TP53BP2: variants seen among roughly 807,000 people sequenced by gnomAD.
TP53BP2 encodes apoptosis-stimulating of p53 protein 2.
In TP53BP2, 62 loss-of-function variants were observed where a neutral mutation model predicts 126.2. The ratio of observed to expected loss-of-function variants is 0.49; its 90% CI spans 0.40 to 0.61. TP53BP2 has a LOEUF of 0.61. Among genes scored for constraint, TP53BP2 ranks in the 20% least tolerant of loss-of-function variants. TP53BP2 has a pLI of 0.00. For synonymous variants in TP53BP2, 485 were observed against 502.9 expected (o/e 0.96, Z 0.48); for missense variants, 1,215 against 1,402.8 (o/e 0.87, Z 2.14).
At chr1:223,785,423 A>G (rs1206278442) in intron 16 of TP53BP2, among the ~76,000 whole-genome samples, 3 of 152,278 alleles carry the variant, frequency 2.0e-5, no homozygotes, top group African/African-American at 7.2e-5. Context: ...AAAGCATGAC[A>G]GACTCACATG....
intron 4 of TP53BP2, among the ~76,000 whole-genome samples, chr1:223,808,895 C>T (rs1231916502): frequency 6.6e-6 from 1 of 151,906 alleles, no homozygotes; most frequent in East Asian, 1.9e-4. Context: ...TAGAGAAATA[C>T]AAATTAAAAC....
At chr1:223,790,089 T>G (rs1256260640) in intron 15 of TP53BP2, among the ~76,000 whole-genome samples, 1 of 150,016 alleles carries the variant, frequency 6.7e-6, no homozygotes, top group African/African-American at 2.5e-5. Context: ...CTGGCCAACA[T>G]GGTAAAACCC....
chr1:223,781,257 C>T (rs1661768317), intron 17 of TP53BP2, among the ~76,000 whole-genome samples: 1 of 152,242 alleles, frequency 6.6e-6, no homozygotes, highest in Non-Finnish European at 1.5e-5. Flanking sequence ...CTCTATGCTC[C>T]AGCATTTGGA....
chr1:223,785,845 A>G (rs1468370777), intron 16 of TP53BP2, among the ~76,000 whole-genome samples: 1 of 152,242 alleles, frequency 6.6e-6, no homozygotes, highest in African/African-American at 2.4e-5. Context: ...ACGAGGTATC[A>G]TTCCAAATCC....
chr1:223,831,792 T>C (rs1219554902), intron 1 of TP53BP2, among the ~76,000 whole-genome samples: 2 of 150,684 alleles, frequency 1.3e-5, no homozygotes, highest in Non-Finnish European at 3.0e-5. Context: ...TGTTAAGTTG[T>C]GCCAGGCCAC....
At chr1:223,793,142 G>A (rs2102840541) in intron 14 of TP53BP2, among the ~76,000 whole-genome samples, 161 bp downstream of exon 14, 1 of 152,028 alleles carries the variant, frequency 6.6e-6, no homozygotes, top group Non-Finnish European at 1.5e-5. Context: ...TGCCTAAAAG[G>A]AAAACAATTT....
intron 1 of TP53BP2, among the ~76,000 whole-genome samples, chr1:223,827,727 C>A (rs1663549227): frequency 6.6e-6 from 1 of 151,924 alleles, no homozygotes; most frequent in Admixed American, 6.6e-5. Context: ...AGTATATCCT[C>A]AAGTTATAAA....
At chr1:223,802,693 C>G (rs762399192) in intron 8 of TP53BP2, 38 bp downstream of exon 8, 2 of 1,607,838 alleles carry the variant, frequency 1.2e-6, no homozygotes, top group East Asian at 2.2e-5. Flanking sequence ...TCATCTTTTT[C>G]CCTCCTCCCC....
At chr1:223,828,991 T>C (rs967607427) in intron 1 of TP53BP2, among the ~76,000 whole-genome samples, 45 of 148,500 alleles carry the variant, frequency 3.0e-4, no homozygotes, top group Non-Finnish European at 4.8e-4. Flanking sequence ...TATATCACTT[T>C]AAAAAAAAAA....
In TP53BP2 at chr1:223,796,071, C is replaced by T. The variant is rs1222292773; in HGVS notation, c.2468G>A (p.Ser823Asn). ...AGCTGGCATGTCACTGTTCTCTGTA[C>T]TGGCATTCCCCACATCCTCTGGGGA... is the stretch of plus-strand genomic sequence containing the variant. ...SLSPEDVGNA[S>N]TENSDMPAPS... The change falls in exon 13 of 18, where the codon AGT becomes AAT. Residue 823 changes from serine to asparagine, a missense_variant. Ser to Asn is a conservative substitution (Grantham distance 46). This residue lies in a region of TP53BP2 where 204 missense variants were observed against 225.7 expected (regional missense o/e 0.90). Transcript: ENST00000343537. This position sits in a 1 kb window ranked among gnomAD's most constrained non-coding sequence, Gnocchi z 4.2. 3.1e-6 allele frequency: 5 copies of T among 1,614,206 alleles called. No individual in the cohort carries two copies. The highest frequency in any genetic ancestry group is 4.2e-6 in the Non-Finnish European group (5 of 1,180,040).
chr1:223,816,291 T>C (rs1267164186), intron 2 of TP53BP2, among the ~76,000 whole-genome samples: 1 of 151,946 alleles, frequency 6.6e-6, no homozygotes, highest in Non-Finnish European at 1.5e-5. Context: ...ACTAAGCAAA[T>C]ACACGAGTGG....
chr1:223,791,752 T>C (rs1434756434), intron 15 of TP53BP2, among the ~76,000 whole-genome samples: 1 of 152,172 alleles, frequency 6.6e-6, no homozygotes, highest in Non-Finnish European at 1.5e-5. Context: ...TCCACAAAAG[T>C]AACACAATGT....
At chr1:223,811,652 A>G (rs752333483) in intron 3 of TP53BP2, among the ~76,000 whole-genome samples, 8 of 152,228 alleles carry the variant, frequency 5.3e-5, no homozygotes, top group South Asian at 4.1e-4. Flanking sequence ...TAAGAGCCTT[A>G]AACATAATTT....
chr1:223,791,072 AT>A (rs1378592710), intron 15 of TP53BP2, among the ~76,000 whole-genome samples: 2 of 152,152 alleles, frequency 1.3e-5, no homozygotes, highest in Admixed American at 1.3e-4. Context: ...GAAACTAAAA[AT>A]ATAGGCTTAA....
In TP53BP2 at chr1:223,845,644, G is replaced by C. The variant is rs754465572; in HGVS notation, c.27+10C>G. ...TCCGGGCCCGACGCCCTGGCCGCTC[G>C]CCCACTTACCGGCATCATCTTGGAC... is the stretch of plus-strand genomic sequence containing the variant. On this transcript the variant is annotated intron_variant, in intron 1 of 17. Coordinates refer to ENST00000343537, the MANE Select transcript of TP53BP2 (RefSeq NM_001031685.3). 1.3e-6 allele frequency: 2 copies of C among 1,552,558 alleles called. No homozygotes were observed. The highest frequency in any genetic ancestry group is 1.8e-5 in the Admixed American group (1 of 54,134).
chr1:223,809,801 T>C (rs1407352077), intron 4 of TP53BP2, among the ~76,000 whole-genome samples: 2 of 152,054 alleles, frequency 1.3e-5, no homozygotes, highest in Admixed American at 1.3e-4. Context: ...CAAATTCACA[T>C]GCAATAGCGA....
In TP53BP2 at chr1:223,796,495, G is replaced by A. The variant is rs1002186876; in HGVS notation, c.2044C>T (p.Pro682Ser). 1 of 1,614,092 alleles carries A rather than the reference G, an allele frequency of 6.2e-7. No homozygotes were observed. Among genetic ancestry groups the A allele is most frequent in the East Asian group, 2.2e-5 (1 of 44,884 alleles). The part of the protein sequence containing the change: ...NSQGKPGSPE[P>S]ETEPVSSVQE... ...ACTGAAGAAACAGGCTCTGTTTCAG[G>A]TTCTGGACTGCCAGGCTTGCCCTGG... Residue 682 changes from proline to serine, a missense_variant, in exon 13 of 18, where the codon CCT (proline) becomes TCT (serine). Transcript: ENST00000343537. The surrounding 1 kb of genome is among the most constrained non-coding windows in gnomAD (Gnocchi z 4.2).
At chr1:223,797,685 A>G (rs958722433) in intron 12 of TP53BP2, among the ~76,000 whole-genome samples, 2 of 152,178 alleles carry the variant, frequency 1.3e-5, no homozygotes, top group Non-Finnish European at 2.9e-5. Context: ...TGCTGGGATT[A>G]CAGGCGTGAG....
At chr1:223,798,796 G>A (rs1226345234) in intron 11 of TP53BP2, 119 bp from the exon 12 acceptor site, 2 of 916,916 alleles carry the variant, frequency 2.2e-6, no homozygotes, top group Non-Finnish European at 3.2e-6. Context: ...CTCTGGCCGG[G>A]TGCAGGGGCT....
Sources: allele counts gnomAD v4.1 joint callset (sites outside exome capture counted in the v4.1 genomes callset), GRCh38; gene constraint gnomAD v4.1.1; regional missense constraint gnomAD v4.1.1; non-coding constraint Gnocchi (gnomAD v3.1); transcripts MANE v1.5; gene names NCBI Gene and HGNC (gene_info 2026-07-23, HGNC 2026-07-21).